Variants in LARP4B observed in about 807,000 individuals in gnomAD.
LARP4B encodes the protein La ribonucleoprotein 4B.
A neutral mutation model predicts 89.8 loss-of-function variants in LARP4B; 12 were observed. The observed-to-expected ratio is 0.13, with a 90% CI of 0.09 to 0.22. The LOEUF is 0.22. LARP4B is among the 10% of genes least tolerant of loss of function. The probability of loss-of-function intolerance (pLI) is 1.00; values close to 1 mark genes in which losing one functional copy is unlikely to be tolerated. For missense variants in LARP4B, 757 were observed against 947.7 expected, an observed-to-expected ratio of 0.80 and a Z score of 2.64; for synonymous variants, 367 against 363.3, an observed-to-expected ratio of 1.01 and a Z score of -0.12.
chr10:836,142 T>G (rs1833208129), intron 8 of LARP4B, among the ~76,000 whole-genome samples: 1 of 152,182 alleles, frequency 6.6e-6, no homozygotes, highest in African/African-American at 2.4e-5. Context: ...AATATTTAAA[T>G]GTGTTATTTT....
At chr10:836,595 T>C in intron 7 of LARP4B, 89 bp from the exon 8 acceptor site, 2 of 807,528 alleles carry the variant, frequency 2.5e-6, no homozygotes, top group Non-Finnish European at 4.0e-6. Flanking sequence ...ACTATATTAC[T>C]AAATAAGCTA....
intron 6 of LARP4B, among the ~76,000 whole-genome samples, chr10:843,503 A>C (rs959731259): frequency 6.6e-6 from 1 of 152,190 alleles, no homozygotes; most frequent in African/African-American, 2.4e-5. Flanking sequence ...GTTTAAGACC[A>C]GCCTGACCAA....
At chr10:868,466 G>A (rs1169236735) in intron 3 of LARP4B, among the ~76,000 whole-genome samples, 3 of 151,194 alleles carry the variant, frequency 2.0e-5, no homozygotes, top group African/African-American at 7.3e-5. Flanking sequence ...ACGTGGTAAC[G>A]CTTCGTATGA....
At chr10:925,715 G>C (rs1837117999) in intron 1 of LARP4B, among the ~76,000 whole-genome samples, 1 of 152,072 alleles carries the variant, frequency 6.6e-6, no homozygotes. Flanking sequence ...TGTATTTTTA[G>C]TACAGACAGG....
intron 3 of LARP4B, among the ~76,000 whole-genome samples, chr10:866,396 ATGTTCACCAGCATG>A (rs1186261533): frequency 6.6e-6 from 1 of 152,144 alleles, no homozygotes; most frequent in Non-Finnish European, 1.5e-5. Flanking sequence ...TGCCTCTGAC[ATGTTCACCAGCATG>A]CTTGTGCCAG....
the LARP4B span, among the ~76,000 whole-genome samples, chr10:965,114 C>T: frequency 3.7e-4 from 56 of 152,320 alleles, no homozygotes; most frequent in African/African-American, 1.3e-3. Context: ...GCTCAGCACC[C>T]GCCTGCCTGT....
the LARP4B span, among the ~76,000 whole-genome samples, chr10:960,947 G>A: frequency 6.6e-6 from 1 of 152,048 alleles, no homozygotes; most frequent in Admixed American, 6.6e-5. Flanking sequence ...CGAGGCATAG[G>A]GAAAAATCAC....
chr10:982,436 C>T, the LARP4B span, among the ~76,000 whole-genome samples: 1 of 152,032 alleles, frequency 6.6e-6, no homozygotes, highest in Non-Finnish European at 1.5e-5. Flanking sequence ...TGGACTAGAC[C>T]ACATTTTCTC....
chr10:849,814 AT>A (rs1211413794), intron 5 of LARP4B, among the ~76,000 whole-genome samples: 1 of 152,248 alleles, frequency 6.6e-6, no homozygotes, highest in Admixed American at 6.5e-5. Flanking sequence ...CATTACCACT[AT>A]AGTATCATAA....
chr10:809,152 T>C (rs1157794266), downstream of LARP4B: 1 of 152,220 alleles, frequency 6.6e-6, no homozygotes, highest in Non-Finnish European at 1.5e-5. Flanking sequence ...AGTGCAGACA[T>C]CACTGCTGCC....
chr10:836,489 C>T lies in LARP4B; in HGVS notation c.664G>A (p.Val222Met). The change falls in exon 8 of 18, where the codon GTG (valine) becomes ATG (methionine). Residue 222 changes from valine (V) to methionine (M), a missense_variant. Around this residue, in one of 5 missense-constraint regions of LARP4B, gnomAD observed 54 missense variants for 96.0 expected, o/e 0.56. Transcript: ENST00000316157. The part of the protein sequence containing the change: ...EVLRSLPLVQ[V>M]DEKGEKVRPN... ...CTTACTTTTTCTCCCTTTTCATCCA[C>T]TTGGACTAAAGGTAAAGCTACAAAG... The T allele has an allele frequency of 1.2e-6, 2 of 1,610,732 alleles. No individual in the cohort carries two copies. Among genetic ancestry groups the T allele is most frequent in the Non-Finnish European group, 8.5e-7 (1 of 1,177,258 alleles).
At chr10:949,762 GAA>G in the LARP4B span, among the ~76,000 whole-genome samples, 1 of 152,194 alleles carries the variant, frequency 6.6e-6, no homozygotes, top group East Asian at 1.9e-4. Context: ...CCTCTTTGGT[GAA>G]ATGTTTTTTC....
intron 1 of LARP4B, among the ~76,000 whole-genome samples, chr10:908,921 A>T (rs1033978486): frequency 6.6e-6 from 1 of 152,138 alleles, no homozygotes; most frequent in Non-Finnish European, 1.5e-5. Context: ...TTTGGGGGAC[A>T]CCTGAAACAG....
the LARP4B span, among the ~76,000 whole-genome samples, chr10:939,160 A>G: frequency 6.6e-6 from 1 of 152,256 alleles, no homozygotes; most frequent in African/African-American, 2.4e-5. Flanking sequence ...TCCTGGCTGT[A>G]GGAAAGAGCT....
At chr10:862,645 A>G (rs1428450595) in intron 5 of LARP4B, among the ~76,000 whole-genome samples, 1 of 152,164 alleles carries the variant, frequency 6.6e-6, no homozygotes. Flanking sequence ...CTGTAGTCCC[A>G]GCTACTCAGG....
chr10:906,777 T>G (rs1836504230), intron 1 of LARP4B, among the ~76,000 whole-genome samples: 1 of 152,226 alleles, frequency 6.6e-6, no homozygotes, highest in African/African-American at 2.4e-5. Flanking sequence ...GAAGGACATA[T>G]CATTGACTCA....
At chr10:825,687 ATCAAAGC>A (rs1832581736) in intron 12 of LARP4B, 70 bp downstream of exon 12, 1 of 947,124 alleles carries the variant, frequency 1.1e-6, no homozygotes, top group Non-Finnish European at 1.7e-6. Context: ...AGGACTAGTG[ATCAAAGC>A]TCTCTCATCC....
chr10:886,859 G>T (rs1478612403), intron 1 of LARP4B, among the ~76,000 whole-genome samples: 1 of 152,176 alleles, frequency 6.6e-6, no homozygotes, highest in Non-Finnish European at 1.5e-5. Flanking sequence ...GGAGGCCAAA[G>T]CAGGCAGATC....
At chr10:856,660 G>A (rs1834317243) in intron 5 of LARP4B, among the ~76,000 whole-genome samples, 1 of 152,168 alleles carries the variant, frequency 6.6e-6, no homozygotes, top group South Asian at 2.1e-4. Flanking sequence ...GGCGGGTGAG[G>A]GGTTCCTGCA....
Sources: allele counts gnomAD v4.1 joint callset (sites outside exome capture counted in the v4.1 genomes callset), GRCh38; gene constraint gnomAD v4.1.1; regional missense constraint gnomAD v4.1.1; transcripts MANE v1.5; gene names NCBI Gene and HGNC (gene_info 2026-07-23, HGNC 2026-07-21).